PCDHGA9: variants seen among roughly 807,000 people sequenced by gnomAD.
PCDHGA9 encodes the protein protocadherin gamma-A9.
A neutral mutation model predicts 62.5 loss-of-function variants in PCDHGA9; 37 were observed. The ratio of observed to expected loss-of-function variants is 0.59; its 90% CI spans 0.46 to 0.78. The LOEUF (loss-of-function observed/expected upper bound fraction) is 0.78, where lower values mean the gene tolerates loss of function less well. Among genes scored for constraint, PCDHGA9 ranks in the 30% least tolerant of loss-of-function variants. The probability of loss-of-function intolerance (pLI) is 0.00; values close to 1 mark genes in which losing one functional copy is unlikely to be tolerated. For missense variants in PCDHGA9, 1,138 were observed against 1,166.2 expected (o/e 0.98, Z 0.35); for synonymous variants, 459 against 484.6 (o/e 0.95, Z 0.69).
chr5:141,469,756 A>G (rs2099210350), intron 1 of PCDHGA9, among the ~76,000 whole-genome samples: 1 of 152,252 alleles, frequency 6.6e-6, no homozygotes. Context: ...ACAAAAATAC[A>G]TATATACCAG....
chr5:141,443,163 T>C (rs1054542792), intron 1 of PCDHGA9, among the ~76,000 whole-genome samples: 3 of 152,172 alleles, frequency 2.0e-5, no homozygotes, highest in Non-Finnish European at 4.4e-5. Context: ...TTTATTTCCC[T>C]ACCCATGTCC....
chr5:141,459,989 A>G (rs2098979714), intron 1 of PCDHGA9, among the ~76,000 whole-genome samples: 1 of 152,204 alleles, frequency 6.6e-6, no homozygotes, highest in Non-Finnish European at 1.5e-5. Flanking sequence ...GAGACAGGAG[A>G]ATCGCTTGAA....
At chr5:141,469,610 AAAAT>A (rs1360697662) in intron 1 of PCDHGA9, among the ~76,000 whole-genome samples, 1 of 152,194 alleles carries the variant, frequency 6.6e-6, no homozygotes, top group Non-Finnish European at 1.5e-5. Context: ...TAAGTAAAAT[AAAAT>A]AAATGTTTGT....
Position 141,477,198 on chromosome 5 carries a change from TACCCGAGGATG to T in PCDHGA9, c.2425-17608_2425-17598del. 6.2e-7 allele frequency: 1 copy of T among 1,614,194 alleles called. No homozygotes were observed. The highest frequency in any genetic ancestry group is 2.2e-5 in the East Asian group (1 of 44,874). On this transcript the variant is annotated intron_variant, in intron 1 of 3. Transcript: ENST00000573521. The surrounding 1 kb of genome is among the most constrained non-coding windows in gnomAD (Gnocchi z 4.9). ...ACAGTCACCTCCGTGTACAGCCCAG[TACCCGAGGATG>T]CCCCTCTGGGGACTGTCATCGCTTT...
At position 141,431,604 on chromosome 5, in the gene PCDHGA9, G is replaced by A; in HGVS notation, c.2424+26228G>A. On this transcript the variant is annotated intron_variant, in intron 1 of 3. Coordinates refer to ENST00000573521, the MANE Select transcript of PCDHGA9 (RefSeq NM_018921.3). The surrounding 1 kb of genome is among the most constrained non-coding windows in gnomAD (Gnocchi z 4.8). ...AATGCGGAAGTGAGGTATTCCTTCCGGTATGTGGACGACAAGGCGGCCCAA... is the reference window on the plus strand; with the variant it reads ...AATGCGGAAGTGAGGTATTCCTTCCAGTATGTGGACGACAAGGCGGCCCAA... 8 of 1,614,206 alleles carry A rather than the reference G, an allele frequency of 5.0e-6. No individual in the cohort carries two copies. Among genetic ancestry groups the A allele is most frequent in the Non-Finnish European group, 6.8e-6 (8 of 1,180,046 alleles).
At chr5:141,433,828 ACT>A (rs1431945413) in intron 1 of PCDHGA9, among the ~76,000 whole-genome samples, 2 of 142,254 alleles carry the variant, frequency 1.4e-5, no homozygotes, top group Admixed American at 7.0e-5. Flanking sequence ...CAAGAGTGAA[ACT>A]CTATCTCAAA....
chr5:141,420,460 A>G lies in PCDHGA9; in HGVS notation c.2424+15084A>G, dbSNP rs946386638. On this transcript the variant is annotated intron_variant, in intron 1 of 3. Coordinates refer to ENST00000573521, the MANE Select transcript of PCDHGA9 (RefSeq NM_018921.3). ...AATGCCTCAGTCTTCCTACTATTCA[A>G]AGACATTTTAAAGCAAACTACATGG... The G allele has an allele frequency of 3.4e-6, 3 of 889,944 alleles. No individual in the cohort carries two copies. The African/African-American group carries it at 5.2e-5, about 16-fold the overall frequency. 55.1% of individuals were successfully genotyped at this position (889,944 alleles called of 1,614,324 possible).
intron 1 of PCDHGA9, among the ~76,000 whole-genome samples, chr5:141,448,931 C>G (rs966398044): frequency 1.3e-5 from 2 of 152,040 alleles, no homozygotes; most frequent in African/African-American, 4.8e-5. Context: ...GGCGACAGAG[C>G]AAGACTGCAA....
At position 141,436,706 on chromosome 5, in the gene PCDHGA9, A is replaced by G. The variant is rs149478256; in HGVS notation, c.2424+31330A>G. 3.9e-3 allele frequency among the ~76,000 whole-genome samples: 587 copies of G among 152,318 alleles called. 6 individuals are homozygous for G. Among genetic ancestry groups the G allele is most frequent in the Admixed American group, 0.011 (169 of 15,304 alleles). On this transcript the variant is annotated intron_variant, in intron 1 of 3. Transcript: ENST00000573521. ...TATATTTTCAATGCCAGCACACTCG[A>G]TGTTCTGTTGGGAAAAATAATAATG...
intron 1 of PCDHGA9, chr5:141,409,186 T>C: frequency 6.2e-7 from 1 of 1,614,042 alleles, no homozygotes; most frequent in Non-Finnish European, 8.5e-7. Flanking sequence ...GTGGTCTCTC[T>C]ACCCAGTGTA....
intron 2 of PCDHGA9, among the ~76,000 whole-genome samples, chr5:141,500,892 G>GAT (rs1036007799): frequency 1.1e-5 from 1 of 88,010 alleles, no homozygotes; most frequent in African/African-American, 7.1e-5. Flanking sequence ...TTTTTTTTGA[G>GAT]ACAGTCTCGC....
chr5:141,430,889 A>G, intron 1 of PCDHGA9: 1 of 1,605,270 alleles, frequency 6.2e-7, no homozygotes, highest in African/African-American at 1.3e-5. Flanking sequence ...GAAAGGCTCT[A>G]GGGTGGGCGA....
At chr5:141,427,882 A>G (rs2097084180) in intron 1 of PCDHGA9, 3 of 1,563,878 alleles carry the variant, frequency 1.9e-6, no homozygotes, top group Non-Finnish European at 2.6e-6. Flanking sequence ...ATGCAGGCCC[A>G]CGACCAGGGC....
intron 1 of PCDHGA9, among the ~76,000 whole-genome samples, chr5:141,469,189 T>C (rs1393685141): frequency 2.6e-5 from 4 of 151,710 alleles, no homozygotes; most frequent in African/African-American, 9.7e-5. Flanking sequence ...GGCAAGAGGA[T>C]TGCTTGAGCC....
chr5:141,403,787 T>A lies in PCDHGA9; in HGVS notation c.835T>A (p.Tyr279Asn), dbSNP rs1213408515. The A allele has an allele frequency of 1.9e-6, 3 of 1,613,818 alleles. No individual in the cohort carries two copies. The highest frequency in any genetic ancestry group is 2.5e-6 in the Non-Finnish European group (3 of 1,179,900). The change falls in exon 1 of 4, where the codon TAC (tyrosine) becomes AAC (asparagine). Residue 279 changes from tyrosine (Y) to asparagine (N), a missense_variant. Physicochemically the swap from Tyr to Asn is moderately radical, Grantham distance 143. Coordinates refer to ENST00000573521, the MANE Select transcript of PCDHGA9 (RefSeq NM_018921.3). Reference sequence around the variant, plus strand: ...TGAGGGAATCAACGGAAAAGTGGCATACAAATTCTGGAAAATTAATGAAAA... The same window carrying A: ...TGAGGGAATCAACGGAAAAGTGGCAAACAAATTCTGGAAAATTAATGAAAA... The part of the protein sequence containing the change: ...LDEGINGKVA[Y>N]KFWKINEKQS...
At chr5:141,421,144 G>A (rs1241874764) in intron 1 of PCDHGA9, 1 of 999,180 alleles carries the variant, frequency 1.0e-6, no homozygotes, top group African/African-American at 1.6e-5. Flanking sequence ...TTTGGATGTA[G>A]TCGGCCTAGG....
At chr5:141,474,892 A>G (rs1419975508) in intron 1 of PCDHGA9, among the ~76,000 whole-genome samples, 1 of 152,208 alleles carries the variant, frequency 6.6e-6, no homozygotes, top group Non-Finnish European at 1.5e-5. Context: ...TTAGAGGTTC[A>G]TTTCTTGTTC....
At chr5:141,409,920 C>T (rs759433257) in intron 1 of PCDHGA9, 2 of 1,613,400 alleles carry the variant, frequency 1.2e-6, no homozygotes, top group Non-Finnish European at 1.7e-6. Flanking sequence ...GACGGCTCCG[C>T]GTTCTTCGAT....
In PCDHGA9 at chr5:141,409,837, C is replaced by G. The variant is rs182654621; in HGVS notation, c.2424+4461C>G. 823 of 1,611,470 alleles carry G rather than the reference C, an allele frequency of 5.1e-4. 5 individuals carry two copies. The East Asian group carries it at 9.5e-3, about 19-fold the overall frequency. On this transcript the variant is annotated intron_variant, in intron 1 of 3. Coordinates refer to ENST00000573521, the MANE Select transcript of PCDHGA9 (RefSeq NM_018921.3). ...ACGGCTCGCCCACGCTCAGCGCCAACGTGAGCCTGCGCGTGTTGGTGGGAG... is the reference window on the plus strand; with the variant it reads ...ACGGCTCGCCCACGCTCAGCGCCAAGGTGAGCCTGCGCGTGTTGGTGGGAG...
Sources: allele counts gnomAD v4.1 joint callset (sites outside exome capture counted in the v4.1 genomes callset), GRCh38; gene constraint gnomAD v4.1.1; non-coding constraint Gnocchi (gnomAD v3.1); transcripts MANE v1.5; gene names NCBI Gene and HGNC (gene_info 2026-07-23, HGNC 2026-07-21).